GSDME: variants seen among roughly 807,000 people sequenced by gnomAD.
GSDME encodes the protein gasdermin-E.
Under a neutral mutation model 47.5 loss-of-function variants are expected in GSDME, and 44 were observed. That is an observed-to-expected ratio of 0.93 (90% confidence interval 0.73 to 1.19). The LOEUF (loss-of-function observed/expected upper bound fraction) is 1.19. Among genes scored for constraint, GSDME ranks in the 50% most tolerant of loss-of-function variants. GSDME has a pLI of 0.00. For missense variants in GSDME, 663 were observed against 604.2 expected, an observed-to-expected ratio of 1.10 and a Z score of -1.02; for synonymous variants, 258 against 252.8, an observed-to-expected ratio of 1.02 and a Z score of -0.20.
chr7:24,771,371 A>G, the GSDME span, among the ~76,000 whole-genome samples: 2 of 152,324 alleles, frequency 1.3e-5, no homozygotes, highest in South Asian at 4.2e-4. This position sits in a 1 kb window ranked among gnomAD's most constrained non-coding sequence, Gnocchi z 4.1. Context: ...CATTTATATT[A>G]CATTGTATTA....
At chr7:24,775,380 C>T in the GSDME span, among the ~76,000 whole-genome samples, 6 of 152,228 alleles carry the variant, frequency 3.9e-5, no homozygotes, top group East Asian at 1.9e-4. Context: ...TGATGATATC[C>T]GTTTAATTAG....
chr7:24,727,804 G>A (rs145947507), intron 3 of GSDME, among the ~76,000 whole-genome samples: 64 of 152,316 alleles, frequency 4.2e-4, no homozygotes, highest in African/African-American at 1.4e-3. Context: ...TTCATCTGCC[G>A]ATTTCCCCTC....
the GSDME span, among the ~76,000 whole-genome samples, chr7:24,788,584 A>G: frequency 4.6e-5 from 7 of 152,168 alleles, no homozygotes; most frequent in East Asian, 1.9e-4. The surrounding 1 kb of genome is among the most constrained non-coding windows in gnomAD (Gnocchi z 4.6). Flanking sequence ...CTTTACTGCT[A>G]TCATCTAAGG....
chr7:24,713,088 T>A (rs890753418), intron 5 of GSDME, among the ~76,000 whole-genome samples: 27 of 151,732 alleles, frequency 1.8e-4, no homozygotes, highest in African/African-American at 6.3e-4. Context: ...GAAGCCTTCA[T>A]AAGAAAATGA....
the GSDME span, among the ~76,000 whole-genome samples, chr7:24,794,731 A>T: frequency 6.6e-6 from 1 of 152,080 alleles, no homozygotes; most frequent in South Asian, 2.1e-4. Context: ...ATAGTTCCTA[A>T]TGGGGTAGGC....
Position 24,705,540 on chromosome 7 carries a change from C to T in GSDME, c.1183+644G>A, listed in dbSNP as rs1789061328. 1 of 158,494 alleles carries T rather than the reference C, an allele frequency of 6.3e-6. No homozygotes were observed. The highest frequency in any genetic ancestry group is 6.0e-5 in the Admixed American group (1 of 16,782). The allele number at this position is 158,494 out of a possible 1,614,324, so 9.8% of individuals were successfully genotyped here. The stretch of plus-strand genomic sequence containing the variant: ...TTCTGAGAGGGAATAGGAAGCCCAG[C>T]TTCCTCGTGACAGGCACTGTGGCAT... On this transcript the variant is annotated intron_variant, in intron 8 of 9. Transcript: ENST00000645220. This position sits in a 1 kb window ranked among gnomAD's most constrained non-coding sequence, Gnocchi z 4.1.
rs983570154 is a variant in GSDME, at chr7:24,745,347, C to A, written c.212-593G>T. On this transcript the variant is annotated intron_variant, in intron 2 of 9. Transcript: ENST00000645220. The surrounding 1 kb of genome is among the most constrained non-coding windows in gnomAD (Gnocchi z 4.4). ...CCTGTCTGGGGGCATCTTGTCTACCCACCCACCAGTCTTGGAAAACAATCC... is the reference window on the plus strand; with the variant it reads ...CCTGTCTGGGGGCATCTTGTCTACCAACCCACCAGTCTTGGAAAACAATCC... Among the ~76,000 whole-genome samples the A allele has an allele frequency of 3.9e-5, 6 of 152,124 alleles. No homozygotes were observed. The highest frequency in any genetic ancestry group is 5.9e-5 in the Non-Finnish European group (4 of 68,010).
At chr7:24,787,351 A>G in the GSDME span, among the ~76,000 whole-genome samples, 1 of 152,206 alleles carries the variant, frequency 6.6e-6, no homozygotes, top group South Asian at 2.1e-4. The surrounding 1 kb of genome is among the most constrained non-coding windows in gnomAD (Gnocchi z 5.0). Context: ...ATCGTTGTAA[A>G]CCACATGCCA....
chr7:24,762,147 G>A (rs1584119994), upstream of GSDME, among the ~76,000 whole-genome samples: 2 of 151,948 alleles, frequency 1.3e-5, no homozygotes, highest in South Asian at 2.1e-4. Flanking sequence ...CCAGCTACTC[G>A]GGAGGCTGAT....
At chr7:24,720,502 A>AGTCC (rs1231213145) in intron 3 of GSDME, among the ~76,000 whole-genome samples, 1 of 152,238 alleles carries the variant, frequency 6.6e-6, no homozygotes, top group Non-Finnish European at 1.5e-5. Context: ...TAGCTAGGAA[A>AGTCC]GTCCCATCTC....
chr7:24,702,741 C>G lies in GSDME; in HGVS notation c.1257+19G>C. The G allele has an allele frequency of 6.2e-7, 1 of 1,610,762 alleles. No individual in the cohort carries two copies. ...CCCATTCCTATCCATTCTAAGGTCCCACCTGGGAGGTTGCTTACCAAGTGG... is the reference window on the plus strand; with the variant it reads ...CCCATTCCTATCCATTCTAAGGTCCGACCTGGGAGGTTGCTTACCAAGTGG... On this transcript the variant is annotated intron_variant, in intron 9 of 9. Coordinates refer to ENST00000645220, the MANE Select transcript of GSDME (RefSeq NM_001127453.2).
chr7:24,722,061 C>T (rs747881937), intron 3 of GSDME, among the ~76,000 whole-genome samples: 1 of 152,234 alleles, frequency 6.6e-6, no homozygotes, highest in African/African-American at 2.4e-5. Context: ...TTTATCTGCT[C>T]ATGGCCTGCC....
At chr7:24,790,643 T>C in the GSDME span, among the ~76,000 whole-genome samples, 3 of 152,162 alleles carry the variant, frequency 2.0e-5, no homozygotes, top group Non-Finnish European at 4.4e-5. This position sits in a 1 kb window ranked among gnomAD's most constrained non-coding sequence, Gnocchi z 4.1. Context: ...ATTTACTAAA[T>C]GGATTCTTTT....
At chr7:24,702,601 A>G (rs1411445624) in intron 9 of GSDME, 159 bp downstream of exon 9, 1 of 647,992 alleles carries the variant, frequency 1.5e-6, no homozygotes, top group South Asian at 1.5e-5. Context: ...ATGGGGTGGG[A>G]TGTGTATAAA....
At chr7:24,780,144 G>A in the GSDME span, among the ~76,000 whole-genome samples, 8 of 152,266 alleles carry the variant, frequency 5.3e-5, no homozygotes, top group East Asian at 1.9e-4. The surrounding 1 kb of genome is among the most constrained non-coding windows in gnomAD (Gnocchi z 4.1). Flanking sequence ...CAGGACGTCC[G>A]AGAAGTTGGC....
chr7:24,698,703 G>A lies in GSDME; in HGVS notation c.*323C>T. 1 of 377,032 alleles carries A rather than the reference G, an allele frequency of 2.7e-6. No homozygotes were observed. The highest frequency in any genetic ancestry group is 5.0e-6 in the Non-Finnish European group (1 of 199,412). The allele number at this position is 377,032 out of a possible 1,614,324, so 23.4% of individuals were successfully genotyped here. ...GACTCTTTCTATGTAACAAAAAGTG[G>A]AATGCAAGTGACAGATGGACTTATT... On this transcript the variant is annotated 3_prime_UTR_variant, in exon 10 of 10. Coordinates refer to ENST00000645220, the MANE Select transcript of GSDME (RefSeq NM_001127453.2).
chr7:24,706,229 T>C lies in GSDME; in HGVS notation c.1138A>G (p.Lys380Glu), dbSNP rs1789094417. The change falls in exon 8 of 10, where the codon AAG (lysine) becomes GAG (glutamate). Residue 380 changes from lysine to glutamate, a missense_variant. Coordinates refer to ENST00000645220, the MANE Select transcript of GSDME (RefSeq NM_001127453.2). ...GCPGPEDAGS[K>E]QLFMTAYFLV... ...AAGTAGGCTGTCATAAACAGCTGCT[T>C]GCTGCCTGCATCCTCGGGGCCCGGA... 6.8e-6 allele frequency: 11 copies of C among 1,614,118 alleles called. No individual in the cohort carries two copies. Among genetic ancestry groups the C allele is most frequent in the Non-Finnish European group, 9.3e-6 (11 of 1,180,048 alleles).
chr7:24,790,576 G>A, the GSDME span, among the ~76,000 whole-genome samples: 1 of 152,168 alleles, frequency 6.6e-6, no homozygotes, highest in Non-Finnish European at 1.5e-5. The surrounding 1 kb of genome is among the most constrained non-coding windows in gnomAD (Gnocchi z 4.1). Context: ...AATCTGGTGG[G>A]GGCTGTCCAG....
At chr7:24,707,258 C>CAAAA in intron 7 of GSDME, 1 of 466,186 alleles carries the variant, frequency 2.1e-6, no homozygotes, top group South Asian at 1.6e-5. Flanking sequence ...AATAGAAAAA[C>CAAAA]AAAAGAACAA....
Sources: allele counts gnomAD v4.1 joint callset (sites outside exome capture counted in the v4.1 genomes callset), GRCh38; gene constraint gnomAD v4.1.1; non-coding constraint Gnocchi (gnomAD v3.1); transcripts MANE v1.5; gene names NCBI Gene and HGNC (gene_info 2026-07-23, HGNC 2026-07-21).